HOOK2: variants seen among roughly 807,000 people sequenced by gnomAD.
HOOK2 encodes hook microtubule tethering protein 2.
HOOK2 carries 108 observed loss-of-function variants against 111.9 expected under a neutral mutation model. That is an observed-to-expected ratio of 0.96 (90% CI 0.83 to 1.13). The LOEUF (loss-of-function observed/expected upper bound fraction) is 1.13. Among genes scored for constraint, HOOK2 ranks in the 50% most tolerant of loss-of-function variants. The pLI, the probability that HOOK2 is intolerant of heterozygous loss-of-function variation, is 0.00. For synonymous variants in HOOK2, 405 were observed against 394.3 expected (o/e 1.03, Z -0.32); for missense variants, 978 against 951.3 (o/e 1.03, Z -0.37).
chr19:12,776,681 A>AG (rs202090280), upstream of HOOK2, among the ~76,000 whole-genome samples: 7,033 of 150,674 alleles, frequency 0.047, 609 homozygotes, highest in African/African-American at 0.16. Flanking sequence ...CTCAAAAAAA[A>AG]AAAAAAAAAA....
Position 12,772,857 on chromosome 19 carries a change from T to G in HOOK2, c.311A>C (p.Glu104Ala). Reference protein sequence around the residue: ...EHLPDVSLIGEFSDPAELGKL... With the variant: ...EHLPDVSLIGAFSDPAELGKL... ...GCCGAGCTCTGCCGGGTCTGAGAAC[T>G]CTCCAATGAGGCTCACATCTGGGAG... Residue 104 changes from glutamate to alanine, a missense_variant, in exon 5 of 23, where the codon GAG (glutamate) becomes GCG (alanine). Transcript: ENST00000397668. 1 of 1,614,164 alleles carries G rather than the reference T, an allele frequency of 6.2e-7. No individual in the cohort carries two copies. Among genetic ancestry groups the G allele is most frequent in the Non-Finnish European group, 8.5e-7 (1 of 1,180,036 alleles).
At position 12,775,524 on chromosome 19, in the gene HOOK2, G is replaced by T. The variant is rs945182524; in HGVS notation, c.-75C>A. The T allele has an allele frequency of 8.7e-5, 132 of 1,512,314 alleles. 1 individual carries two copies. In the South Asian group the frequency reaches 1.4e-3, roughly 16 times the overall value. The allele number at this position is 1,512,314 out of a possible 1,614,324, so 93.7% of individuals were successfully genotyped here. Reference sequence around the variant, plus strand: ...GCCTCCGGGTCCGCCACCAGCGAGCGCCCGCAGCCCCGACCTCCCGCTCGG... The same window carrying T: ...GCCTCCGGGTCCGCCACCAGCGAGCTCCCGCAGCCCCGACCTCCCGCTCGG... On this transcript the variant is annotated 5_prime_UTR_variant, in exon 1 of 23. Transcript: ENST00000397668.
upstream of HOOK2, among the ~76,000 whole-genome samples, chr19:12,783,232 C>T (rs114963391): frequency 0.018 from 2,710 of 152,096 alleles, 84 homozygotes; most frequent in African/African-American, 0.062. Context: ...CTGGGGACTT[C>T]GCTCTCCGCG....
At position 12,791,614 on chromosome 19, in the gene HOOK2, G is replaced by A. The variant is rs552455256; in HGVS notation, n.42-17389C>T. 5.0e-5 allele frequency: 27 copies of A among 543,518 alleles called. No individual in the cohort carries two copies. Among genetic ancestry groups the A allele is most frequent in the African/African-American group, 4.2e-4 (21 of 49,668 alleles). The allele number at this position is 543,518 out of a possible 1,614,324, so 33.7% of individuals were successfully genotyped here. ...TCGGGAAGCCTGACAGGGCTTTTGC[G>A]CACAGCTGCCGGCTGGCTGCTACCC... On this transcript the variant is annotated intron_variant and non_coding_transcript_variant, in intron 3 of 3. Transcript: ENST00000589765. The surrounding 1 kb of genome is among the most constrained non-coding windows in gnomAD (Gnocchi z 7.0).
At chr19:12,772,947 C>T in intron 4 of HOOK2, 35 bp from the exon 5 acceptor site, 2 of 1,614,204 alleles carry the variant, frequency 1.2e-6, no homozygotes, top group Non-Finnish European at 1.7e-6. Context: ...CTCATGGGCC[C>T]ACCCTTCTCC....
At chr19:12,770,803 T>C (rs1968302017) in intron 10 of HOOK2, 129 bp downstream of exon 10, 1 of 1,155,710 alleles carries the variant, frequency 8.7e-7, no homozygotes, top group Non-Finnish European at 1.2e-6. Flanking sequence ...CACTGTGGAG[T>C]CCAGGGGGCA....
intron 11 of HOOK2, 45 bp from the exon 12 acceptor site, chr19:12,768,168 A>C: frequency 6.6e-7 from 1 of 1,508,258 alleles, no homozygotes; most frequent in Non-Finnish European, 9.2e-7. Context: ...GGCTGGGAGC[A>C]GGGGCAGGGG....
At chr19:12,766,367 G>A in intron 14 of HOOK2, 127 bp from the exon 15 acceptor site, 2 of 1,186,198 alleles carry the variant, frequency 1.7e-6, no homozygotes, top group Non-Finnish European at 2.3e-6. Flanking sequence ...CCATGGGGTT[G>A]GAGCACCGAG....
In HOOK2 at chr19:12,764,168, C is replaced by T. The variant is rs138598370; in HGVS notation, c.1828-390G>A. Among the ~76,000 whole-genome samples the T allele has an allele frequency of 3.3e-5, 5 of 151,778 alleles. No homozygotes were observed. The East Asian group carries it at 9.7e-4, about 30-fold the overall frequency. On this transcript the variant is annotated intron_variant, in intron 20 of 22. Coordinates refer to ENST00000397668, the MANE Select transcript of HOOK2 (RefSeq NM_013312.3). ...TAGCTGGGATTACAGGCGCATGTTA[C>T]CAATCCCGCCTAATTTTTCTATTTT...
At chr19:12,785,752 C>A (rs1968649278) in intron 3 of HOOK2, among the ~76,000 whole-genome samples, 1 of 152,212 alleles carries the variant, frequency 6.6e-6, no homozygotes, top group Non-Finnish European at 1.5e-5. Context: ...ACACGCTTGC[C>A]CCCTGGACCT....
chr19:12,791,135 C>A lies in HOOK2; in HGVS notation n.42-16910G>T, dbSNP rs1482310639. On this transcript the variant is annotated intron_variant and non_coding_transcript_variant, in intron 3 of 3. Transcript: ENST00000589765. The surrounding 1 kb of genome is among the most constrained non-coding windows in gnomAD (Gnocchi z 7.0). ...GGGGTTTCTTCGCACATACTGGGAC[C>A]CTCACCCCACTTGCTGCGTACCAGG... Among the ~76,000 whole-genome samples the A allele has an allele frequency of 6.6e-6, 1 of 152,200 alleles. No individual in the cohort carries two copies.
rs1250587700 is a variant in HOOK2 at position 12,786,032 on chromosome 19, G to A, written n.42-11807C>T. ...CAGCTTCCTGAGAAACTCCCCTCAT[G>A]CCCAACCATGTCAGCCTGGAGAGAG... On this transcript the variant is annotated intron_variant and non_coding_transcript_variant, in intron 3 of 3. Coordinates refer to the HOOK2 transcript ENST00000589765. This position sits in a 1 kb window ranked among gnomAD's most constrained non-coding sequence, Gnocchi z 4.3. 6.6e-6 allele frequency among the ~76,000 whole-genome samples: 1 copy of A among 152,166 alleles called. No homozygotes were observed. The highest frequency in any genetic ancestry group is 6.5e-5 in the Admixed American group (1 of 15,284).
chr19:12,767,757 T>C, intron 13 of HOOK2, 59 bp downstream of exon 13: 11 of 1,496,188 alleles, frequency 7.4e-6, no homozygotes, highest in Non-Finnish European at 9.1e-6. Flanking sequence ...GGACACAACC[T>C]GTTCTACCCA....
upstream of HOOK2, among the ~76,000 whole-genome samples, chr19:12,780,274 G>A (rs530598813): frequency 2.6e-5 from 4 of 152,142 alleles, no homozygotes; most frequent in Admixed American, 6.5e-5. Context: ...CACTCCAATT[G>A]CATCTTCATG....
rs1968210667 is a variant in HOOK2, at chr19:12,768,060, A to T, written c.1168T>A (p.Cys390Ser). ...TCATACTTTTCCTCCAGGTTGCGGC[A>T]TTCAAATAGCCATTTCTCGGCCTTC... ...AMKAEKWLFE[C>S]RNLEEKYESV... The change falls in exon 12 of 23, where the codon TGC (cysteine) becomes AGC (serine). Residue 390 changes from cysteine (C) to serine (S), a missense_variant. Physicochemically the swap from Cys to Ser is moderately radical, Grantham distance 112 (BLOSUM62 -1). Transcript: ENST00000397668. 1 of 1,614,122 alleles carries T rather than the reference A, an allele frequency of 6.2e-7. No individual in the cohort carries two copies. Among genetic ancestry groups the T allele is most frequent in the South Asian group, 1.1e-5 (1 of 91,090 alleles).
At chr19:12,773,231 C>CTTTTTTTTTTTTTTTT (rs373156108) in intron 3 of HOOK2, 187 bp from the exon 4 acceptor site, 14 of 254,956 alleles carry the variant, frequency 5.5e-5, no homozygotes, top group East Asian at 9.2e-5. Context: ...ATCTTTGTTT[C>CTTTTTTTTTTTTTTTT]TTTTTTTTTT....
upstream of HOOK2, among the ~76,000 whole-genome samples, chr19:12,782,724 G>A (rs1968617346): frequency 6.6e-6 from 1 of 152,200 alleles, no homozygotes; most frequent in South Asian, 2.1e-4. Context: ...CGCCCCGGCC[G>A]GGACCTTGGG....
chr19:12,772,688 T>C lies in HOOK2; in HGVS notation c.389-8A>G. 1.2e-6 allele frequency: 2 copies of C among 1,614,178 alleles called. No homozygotes were observed. Among genetic ancestry groups the C allele is most frequent in the Non-Finnish European group, 1.7e-6 (2 of 1,179,996 alleles). Reference sequence around the variant, plus strand: ...TGATTCTCTGGATGTGGTCTGGGGATCAAGGTGGGGGAGGCTGAGACCCAG... The same window carrying C: ...TGATTCTCTGGATGTGGTCTGGGGACCAAGGTGGGGGAGGCTGAGACCCAG... On this transcript the variant is annotated splice_polypyrimidine_tract_variant and splice_region_variant and intron_variant, in intron 5 of 22. Transcript: ENST00000397668.
chr19:12,769,958 C>G lies in HOOK2; in HGVS notation c.1027G>C (p.Glu343Gln). 1.3e-6 allele frequency: 2 copies of G among 1,552,836 alleles called. No homozygotes were observed. Among genetic ancestry groups the G allele is most frequent in the Non-Finnish European group, 1.7e-6 (2 of 1,156,054 alleles). ...QLEERNAGHAERTRQLEDELR... is the reference protein window; with the variant it reads ...QLEERNAGHAQRTRQLEDELR... ...TCATCCTCCAGTTGTCGCGTGCGCT[C>G]GGCGTGGCCGGCGTTGCGTTCCTCC... The change falls in exon 11 of 23, where the codon GAG (glutamate) becomes CAG (glutamine). Residue 343 changes from glutamate (E) to glutamine (Q), a missense_variant. Transcript: ENST00000397668.
Sources: allele counts gnomAD v4.1 joint callset (sites outside exome capture counted in the v4.1 genomes callset), GRCh38; gene constraint gnomAD v4.1.1; non-coding constraint Gnocchi (gnomAD v3.1); transcripts MANE v1.5; gene names NCBI Gene and HGNC (gene_info 2026-07-23, HGNC 2026-07-21).